The following THSD4 variants were observed in gnomAD, a reference collection of about 807,000 sequenced individuals.
THSD4 encodes thrombospondin type 1 domain containing 4.
THSD4 carries 69 observed loss-of-function variants against 119.0 expected under a neutral mutation model. The ratio of observed to expected loss-of-function variants is 0.58; its 90% CI spans 0.48 to 0.71. THSD4 has a LOEUF of 0.71. THSD4 is among the 30% of genes least tolerant of loss of function. The pLI, the probability that THSD4 is intolerant of heterozygous loss-of-function variation, is 0.00. For missense variants in THSD4, 1,393 were observed against 1,391.1 expected, an observed-to-expected ratio of 1.00 and a Z score of -0.02; for synonymous variants, 524 against 540.4, an observed-to-expected ratio of 0.97 and a Z score of 0.42.
At chr15:71,487,321 T>G (rs1042241514) in intron 7 of THSD4, among the ~76,000 whole-genome samples, 6 of 152,252 alleles carry the variant, frequency 3.9e-5, no homozygotes, top group African/African-American at 1.4e-4. Flanking sequence ...AGAAATTGTG[T>G]TGTTTTCCTT....
chr15:71,702,210 C>T (rs1369561720), intron 8 of THSD4, among the ~76,000 whole-genome samples: 2 of 152,100 alleles, frequency 1.3e-5, no homozygotes, highest in African/African-American at 2.4e-5. Flanking sequence ...ACCACTGGAC[C>T]CTGCAGCCTG....
chr15:71,153,123 A>G (rs1294718328), intron 2 of THSD4, among the ~76,000 whole-genome samples: 1 of 152,096 alleles, frequency 6.6e-6, no homozygotes, highest in African/African-American at 2.4e-5. Context: ...TCAGGCACCA[A>G]TCCTTGTACC....
intron 7 of THSD4, among the ~76,000 whole-genome samples, chr15:71,613,973 A>G (rs2050277457): frequency 6.6e-6 from 1 of 152,174 alleles, no homozygotes; most frequent in Non-Finnish European, 1.5e-5. Context: ...CTATCCTCGT[A>G]ATACAAGGAA....
chr15:71,717,156 G>A (rs1394358567), intron 8 of THSD4, among the ~76,000 whole-genome samples: 1 of 152,090 alleles, frequency 6.6e-6, no homozygotes, highest in African/African-American at 2.4e-5. Flanking sequence ...CTGGTGTTTT[G>A]TAACAAATAC....
chr15:71,538,569 G>T (rs1283550653), intron 7 of THSD4, among the ~76,000 whole-genome samples: 2 of 152,216 alleles, frequency 1.3e-5, no homozygotes, highest in African/African-American at 2.4e-5. Flanking sequence ...AGGTTTTCTA[G>T]ACAGATAATT....
intron 8 of THSD4, among the ~76,000 whole-genome samples, chr15:71,712,961 TAATA>T (rs925915422): frequency 2.6e-5 from 4 of 152,196 alleles, no homozygotes; most frequent in African/African-American, 9.6e-5. Context: ...GAGGTGAAAC[TAATA>T]AATTTTAAAA....
chr15:71,603,429 G>A (rs1353294568), intron 7 of THSD4, among the ~76,000 whole-genome samples: 3 of 152,220 alleles, frequency 2.0e-5, no homozygotes, highest in African/African-American at 7.2e-5. Context: ...GTGCAGAGGT[G>A]GGTCAGAGAT....
At chr15:71,458,463 A>T (rs2047370342) in intron 7 of THSD4, among the ~76,000 whole-genome samples, 2 of 152,230 alleles carry the variant, frequency 1.3e-5, no homozygotes, top group Non-Finnish European at 2.9e-5. Flanking sequence ...GTAAAAAAAC[A>T]ACAGTACTGC....
chr15:71,309,936 C>T (rs995578722), intron 6 of THSD4, among the ~76,000 whole-genome samples: 16 of 152,352 alleles, frequency 1.1e-4, no homozygotes, highest in African/African-American at 3.4e-4. Flanking sequence ...CTCATGTACT[C>T]GCAGATGGAC....
rs112857770 is a variant in THSD4, at chr15:71,331,598, G to A, written c.1015+74883G>A. ...TCTGGCCCCCAGAGCATGGTGGGCCGGGAGGAGGAACCCCTGATTTAGATG... is the reference window on the plus strand; with the variant it reads ...TCTGGCCCCCAGAGCATGGTGGGCCAGGAGGAGGAACCCCTGATTTAGATG... On this transcript the variant is annotated intron_variant, in intron 6 of 17. Transcript: ENST00000261862. 4.2e-3 allele frequency among the ~76,000 whole-genome samples: 636 copies of A among 152,230 alleles called. 2 individuals are homozygous for A. The highest frequency in any genetic ancestry group is 6.8e-3 in the Non-Finnish European group (463 of 68,006).
At chr15:71,403,878 C>T (rs1461475718) in intron 6 of THSD4, among the ~76,000 whole-genome samples, 1 of 152,170 alleles carries the variant, frequency 6.6e-6, no homozygotes, top group Non-Finnish European at 1.5e-5. Context: ...TTTTATCTCT[C>T]ACTCAGAAAT....
intron 7 of THSD4, among the ~76,000 whole-genome samples, chr15:71,463,497 C>T (rs2047454643): frequency 6.6e-6 from 1 of 152,184 alleles, no homozygotes; most frequent in Non-Finnish European, 1.5e-5. Context: ...TTGCTAAATG[C>T]CTGATTAATC....
At chr15:71,738,435 G>A (rs1389381636) in intron 11 of THSD4, among the ~76,000 whole-genome samples, 1 of 152,162 alleles carries the variant, frequency 6.6e-6, no homozygotes, top group South Asian at 2.1e-4. Flanking sequence ...ATGGCTCATG[G>A]GTGTGACAGA....
At chr15:71,693,334 A>T (rs1183998921) in intron 8 of THSD4, among the ~76,000 whole-genome samples, 1 of 152,130 alleles carries the variant, frequency 6.6e-6, no homozygotes, top group Admixed American at 6.5e-5. Context: ...AGCAGCAAGG[A>T]TCCTAAATTG....
chr15:71,164,409 C>A, intron 3 of THSD4, among the ~76,000 whole-genome samples: 2 of 141,962 alleles, frequency 1.4e-5, no homozygotes, highest in Admixed American at 7.0e-5. Context: ...ATTCAGTTAA[C>A]AGAACAACAA....
At chr15:71,738,337 T>A (rs1387811429) in intron 11 of THSD4, 1 of 255,920 alleles carries the variant, frequency 3.9e-6, no homozygotes, top group African/African-American at 2.2e-5. Context: ...TGCGACCTGG[T>A]TCCTAACAGG....
At chr15:71,726,363 G>A (rs2052837980) in intron 8 of THSD4, among the ~76,000 whole-genome samples, 1 of 152,106 alleles carries the variant, frequency 6.6e-6, no homozygotes. Flanking sequence ...TAGGAACGCG[G>A]CTGAAAAAAT....
intron 7 of THSD4, among the ~76,000 whole-genome samples, chr15:71,645,212 G>A (rs563340845): frequency 6.6e-6 from 1 of 152,192 alleles, no homozygotes; most frequent in Non-Finnish European, 1.5e-5. Flanking sequence ...TGCTATGAAG[G>A]CCTGCCCAAG....
At chr15:71,611,644 T>G (rs530036232) in intron 7 of THSD4, among the ~76,000 whole-genome samples, 58 of 152,310 alleles carry the variant, frequency 3.8e-4, no homozygotes, top group African/African-American at 1.3e-3. Flanking sequence ...GCGATTAATG[T>G]TATGTGCAGA....
Sources: gnomAD v4.1 joint callset for allele counts (sites outside exome capture counted in the v4.1 genomes callset) on GRCh38, gnomAD v4.1.1 for gene constraint, MANE v1.5 for transcripts, NCBI Gene and HGNC (gene_info 2026-07-23, HGNC 2026-07-21) for gene names.